The following TCEA1 variants were observed in gnomAD, a reference collection of about 807,000 sequenced individuals.
The protein encoded by TCEA1 is transcription elongation factor A protein 1.
A neutral mutation model predicts 43.8 loss-of-function variants in TCEA1; 21 were observed. The ratio of observed to expected loss-of-function variants is 0.48; its 90% CI spans 0.34 to 0.69. TCEA1 has a LOEUF of 0.69. Ranked by LOEUF, TCEA1 falls within the 30% of genes least tolerant of loss-of-function variation. The pLI, the probability that TCEA1 is intolerant of heterozygous loss-of-function variation, is 0.01. For synonymous variants in TCEA1, 104 were observed against 117.5 expected, an observed-to-expected ratio of 0.88 and a Z score of 0.75; for missense variants, 250 against 365.1, an observed-to-expected ratio of 0.68 and a Z score of 2.57.
Position 53,984,458 on chromosome 8 carries a change from T to C in TCEA1, c.583A>G (p.Ile195Val), listed in dbSNP as rs745459376. ...MKYKNRVRSR[I>V]SNLKDAKNPN... The stretch of plus-strand genomic sequence containing the variant: ...TTTTTTGCATCTTTAAGATTTGATA[T>C]CCTACTTCGTACTCTATTTTTGTAT... The change falls in exon 7 of 10, where the codon ATA becomes GTA. Residue 195 changes from isoleucine (I) to valine (V), a missense_variant. Physicochemically the swap from Ile to Val is conservative, Grantham distance 29. Around this residue, in one of 4 missense-constraint regions of TCEA1, gnomAD observed 147 missense variants for 160.3 expected, o/e 0.92. Transcript: ENST00000521604. 1.2e-5 allele frequency: 20 copies of C among 1,603,326 alleles called. No individual in the cohort carries two copies. Among genetic ancestry groups the C allele is most frequent in the Non-Finnish European group, 1.7e-5 (20 of 1,174,730 alleles).
intron 9 of TCEA1, 49 bp downstream of exon 9, chr8:53,970,343 T>C (rs371370328): frequency 3.2e-6 from 4 of 1,263,872 alleles, no homozygotes; most frequent in South Asian, 2.4e-5. Flanking sequence ...CCAGAAGAAA[T>C]CTTTCTATTT....
rs926237569 is a variant in TCEA1, at chr8:54,008,849, A to T, written c.126+1581T>A. On this transcript the variant is annotated intron_variant, in intron 2 of 9. Transcript: ENST00000521604. Reference sequence around the variant, plus strand: ...GCTATTATTTTATTTTTATTTATTTATTTATTTTTTTTTTTTTTGAGACAG... The same window carrying T: ...GCTATTATTTTATTTTTATTTATTTTTTTATTTTTTTTTTTTTTGAGACAG... Among the ~76,000 whole-genome samples the T allele has an allele frequency of 2.2e-4, 32 of 147,762 alleles. No individual in the cohort carries two copies. The East Asian group carries it at 3.6e-3, about 17-fold the overall frequency.
At chr8:54,001,066 G>A (rs568203606) in intron 2 of TCEA1, among the ~76,000 whole-genome samples, 97 of 152,224 alleles carry the variant, frequency 6.4e-4, no homozygotes, top group African/African-American at 2.2e-3. Context: ...CAAAAACTGG[G>A]ATTTTAATCC....
intron 8 of TCEA1, among the ~76,000 whole-genome samples, chr8:53,970,812 A>AGTGCTTCT (rs1471414553): frequency 7.2e-5 from 11 of 152,350 alleles, no homozygotes; most frequent in African/African-American, 2.6e-4. Flanking sequence ...ATCAGTAAGA[A>AGTGCTTCT]GCACAGAAAT....
intron 2 of TCEA1, among the ~76,000 whole-genome samples, chr8:54,007,581 T>C (rs1413319929): frequency 6.6e-6 from 1 of 152,222 alleles, no homozygotes; most frequent in African/African-American, 2.4e-5. Context: ...GTTAAAACAT[T>C]TGTGAATTAT....
chr8:54,007,030 A>G (rs1804489410), intron 2 of TCEA1, among the ~76,000 whole-genome samples: 1 of 152,042 alleles, frequency 6.6e-6, no homozygotes, highest in African/African-American at 2.4e-5. Context: ...TTTAATAGAG[A>G]CGGGGTTTCA....
chr8:54,008,056 C>A (rs1446563802), intron 2 of TCEA1, among the ~76,000 whole-genome samples: 1 of 151,486 alleles, frequency 6.6e-6, no homozygotes, highest in African/African-American at 2.4e-5. Context: ...GCGGCAGGCG[C>A]CCGTAATCCC....
chr8:53,993,495 C>A, intron 4 of TCEA1, 173 bp downstream of exon 4: 1 of 492,016 alleles, frequency 2.0e-6, no homozygotes, highest in South Asian at 3.4e-5. Context: ...CTCAAATGTT[C>A]AAGAAATCTG....
At chr8:53,998,199 G>C (rs139656192) in intron 3 of TCEA1, among the ~76,000 whole-genome samples, 1 of 152,230 alleles carries the variant, frequency 6.6e-6, no homozygotes, top group East Asian at 1.9e-4. Flanking sequence ...ACATACACTA[G>C]CGCCAGTAAA....
At chr8:53,995,294 C>CAAAAAAA (rs925755044) in intron 3 of TCEA1, among the ~76,000 whole-genome samples, 3 of 57,926 alleles carry the variant, frequency 5.2e-5, no homozygotes, top group Non-Finnish European at 1.1e-4. Flanking sequence ...GACTCTGTCT[C>CAAAAAAA]AAAAAAAAAA....
intron 1 of TCEA1, 37 bp downstream of exon 1, chr8:54,022,026 G>T: frequency 4.5e-6 from 7 of 1,554,614 alleles, no homozygotes; most frequent in Non-Finnish European, 6.1e-6. Flanking sequence ...ACCGCGGCCC[G>T]GCCTCCCTCC....
chr8:54,007,691 G>A (rs969591349), intron 2 of TCEA1, among the ~76,000 whole-genome samples: 8 of 152,012 alleles, frequency 5.3e-5, no homozygotes, highest in African/African-American at 1.9e-4. Context: ...GAAAATAAAC[G>A]TGACTTTTTT....
intron 2 of TCEA1, chr8:54,003,230 C>A: frequency 2.7e-6 from 1 of 367,006 alleles, no homozygotes; most frequent in South Asian, 2.1e-5. Flanking sequence ...ATGACCCAAA[C>A]AAAATTTTTA....
At chr8:53,972,805 T>C (rs1803198799) in intron 8 of TCEA1, 1 of 721,552 alleles carries the variant, frequency 1.4e-6, no homozygotes. Flanking sequence ...GCCAGTAAAA[T>C]TTATGAGGAT....
chr8:54,002,735 G>T (rs1347593177), intron 2 of TCEA1, among the ~76,000 whole-genome samples: 1 of 152,172 alleles, frequency 6.6e-6, no homozygotes, highest in African/African-American at 2.4e-5. Flanking sequence ...GTGCTCAAGT[G>T]ACCTTAGGAA....
At chr8:54,008,960 G>T (rs1283389779) in intron 2 of TCEA1, among the ~76,000 whole-genome samples, 1 of 149,712 alleles carries the variant, frequency 6.7e-6, no homozygotes, top group Non-Finnish European at 1.5e-5. Flanking sequence ...ACTGATTCTC[G>T]TGCCTCAGCC....
rs151058845 is a variant in TCEA1, at chr8:54,002,463, C to T, written c.127-2413G>A. ...CAGCCTGGGTAACAGAACAAGACTC[C>T]GTCTCAAAAAAAAAAAGAAAAAAAA... is the stretch of plus-strand genomic sequence containing the variant. On this transcript the variant is annotated intron_variant, in intron 2 of 9. Coordinates refer to ENST00000521604, the MANE Select transcript of TCEA1 (RefSeq NM_006756.4). 2.6e-4 allele frequency among the ~76,000 whole-genome samples: 36 copies of T among 140,504 alleles called. No homozygotes were observed. The East Asian group carries it at 4.8e-3, about 19-fold the overall frequency. 92.2% of individuals were successfully genotyped at this position (140,504 alleles called of 152,430 possible).
chr8:53,980,300 A>G (rs1419627835), intron 7 of TCEA1, among the ~76,000 whole-genome samples: 6 of 152,230 alleles, frequency 3.9e-5, no homozygotes, highest in Non-Finnish European at 2.9e-5. Context: ...TTCTCACGCC[A>G]GTTTTTACCA....
chr8:53,984,470 C>G lies in TCEA1; in HGVS notation c.571G>C (p.Val191Leu). 1 of 1,600,982 alleles carries G rather than the reference C, an allele frequency of 6.2e-7. No homozygotes were observed. The highest frequency in any genetic ancestry group is 8.5e-7 in the Non-Finnish European group (1 of 1,174,058). The change falls in exon 7 of 10, where the codon GTA (valine) becomes CTA (leucine). Residue 191 changes from valine (V) to leucine (L), a missense_variant. Coordinates refer to ENST00000521604, the MANE Select transcript of TCEA1 (RefSeq NM_006756.4). ...RNTDMKYKNR[V>L]RSRISNLKDA... ...TTAAGATTTGATATCCTACTTCGTACTCTATTTTTGTATTTCATGTCTGTA... is the reference window on the plus strand; with the variant it reads ...TTAAGATTTGATATCCTACTTCGTAGTCTATTTTTGTATTTCATGTCTGTA...
Sources: gnomAD v4.1 joint callset for allele counts (sites outside exome capture counted in the v4.1 genomes callset) on GRCh38, gnomAD v4.1.1 for gene constraint, gnomAD v4.1.1 regional missense constraint, MANE v1.5 for transcripts, NCBI Gene and HGNC (gene_info 2026-07-23, HGNC 2026-07-21) for gene names.